Variants in IMMP2L observed in about 807,000 individuals in gnomAD.
The protein encoded by IMMP2L is mitochondrial inner membrane protease subunit 2.
Under a neutral mutation model 19.3 loss-of-function variants are expected in IMMP2L, and 18 were observed. That is an observed-to-expected ratio of 0.93 (90% CI 0.64 to 1.38). The LOEUF is 1.38. Ranked by LOEUF, IMMP2L falls within the 40% of genes most tolerant of loss-of-function variation. The pLI, the probability that IMMP2L is intolerant of heterozygous loss-of-function variation, is 0.00. For missense variants in IMMP2L, 233 were observed against 218.2 expected (o/e 1.07, Z -0.43); for synonymous variants, 76 against 73.0 (o/e 1.04, Z -0.21).
In IMMP2L at chr7:111,446,888, G is replaced by C. The variant is rs1396388473; in HGVS notation, c.239+40350C>G. ...GGAGCTGATGGAGCTGAAAACCAAG[G>C]CTCGAGAACTACGTGAAGAATGCAG... is the stretch of plus-strand genomic sequence containing the variant. On this transcript the variant is annotated intron_variant, in intron 3 of 5. Transcript: ENST00000405709. 5.5e-3 allele frequency among the ~76,000 whole-genome samples: 828 copies of C among 150,770 alleles called. 6 individuals carry two copies. Among genetic ancestry groups the C allele is most frequent in the African/African-American group, 0.019 (793 of 40,846 alleles).
At chr7:111,224,267 TAA>T (rs1228830669) in intron 3 of IMMP2L, among the ~76,000 whole-genome samples, 1 of 152,122 alleles carries the variant, frequency 6.6e-6, no homozygotes, top group Admixed American at 6.6e-5. Context: ...CTTTCAGAAC[TAA>T]AGAGTATACT....
intron 3 of IMMP2L, among the ~76,000 whole-genome samples, chr7:111,363,645 C>T (rs116122448): frequency 2.0e-5 from 3 of 152,022 alleles, no homozygotes; most frequent in African/African-American, 7.2e-5. Flanking sequence ...GTCTTTCCCC[C>T]CTTCAATCCA....
At chr7:111,177,544 T>C (rs1159970848) in intron 3 of IMMP2L, among the ~76,000 whole-genome samples, 1 of 152,048 alleles carries the variant, frequency 6.6e-6, no homozygotes, top group African/African-American at 2.4e-5. Context: ...GATTAAACTT[T>C]GTCCTTTAAA....
intron 4 of IMMP2L, among the ~76,000 whole-genome samples, chr7:110,914,005 T>C (rs1001302204): frequency 1.3e-5 from 2 of 152,210 alleles, no homozygotes; most frequent in South Asian, 2.1e-4. Context: ...TAAACAGATA[T>C]TATCATTGTT....
At chr7:111,101,983 T>C (rs1426628355) in intron 3 of IMMP2L, among the ~76,000 whole-genome samples, 2 of 151,298 alleles carry the variant, frequency 1.3e-5, no homozygotes, top group Non-Finnish European at 3.0e-5. Flanking sequence ...CTAATTTTCA[T>C]ACACTATATC....
intron 5 of IMMP2L, among the ~76,000 whole-genome samples, chr7:110,704,897 A>T (rs1794543621): frequency 6.6e-6 from 1 of 152,180 alleles, no homozygotes; most frequent in Admixed American, 6.5e-5. Flanking sequence ...ATCCCACAGC[A>T]TATGCCAAAT....
chr7:110,936,464 G>A (rs907968836), intron 4 of IMMP2L, among the ~76,000 whole-genome samples: 6 of 152,184 alleles, frequency 3.9e-5, no homozygotes, highest in African/African-American at 1.2e-4. Flanking sequence ...CATCATCACT[G>A]GTCATTAGAG....
chr7:110,840,275 T>C (rs1804937487), intron 5 of IMMP2L, among the ~76,000 whole-genome samples: 1 of 152,136 alleles, frequency 6.6e-6, no homozygotes, highest in South Asian at 2.1e-4. Flanking sequence ...GGTTTTCTGT[T>C]ATCCTTTTTC....
chr7:111,066,837 T>C (rs954336904), intron 3 of IMMP2L, among the ~76,000 whole-genome samples: 3 of 152,116 alleles, frequency 2.0e-5, no homozygotes, highest in African/African-American at 7.2e-5. Context: ...GTAAAACCAA[T>C]AATTCAATTT....
intron 3 of IMMP2L, among the ~76,000 whole-genome samples, chr7:111,300,716 G>A (rs948809659): frequency 1.3e-5 from 2 of 152,086 alleles, no homozygotes; most frequent in Admixed American, 1.3e-4. Context: ...TGACCTATGT[G>A]CATTAGTTTT....
intron 5 of IMMP2L, among the ~76,000 whole-genome samples, chr7:110,686,923 C>G (rs1793157322): frequency 6.6e-6 from 1 of 152,090 alleles, no homozygotes; most frequent in South Asian, 2.1e-4. Context: ...TCACTTTCTA[C>G]TAATATAAAG....
intron 3 of IMMP2L, among the ~76,000 whole-genome samples, chr7:111,043,292 AGT>A (rs1476469042): frequency 2.6e-5 from 4 of 152,250 alleles, no homozygotes; most frequent in Admixed American, 1.3e-4. Context: ...GATTTTTAAA[AGT>A]GTTAATACAG....
chr7:111,413,572 T>C (rs1466728144), intron 3 of IMMP2L, among the ~76,000 whole-genome samples: 3 of 152,056 alleles, frequency 2.0e-5, no homozygotes, highest in Non-Finnish European at 2.9e-5. Context: ...TCAATGTAAT[T>C]TACCATATTA....
intron 3 of IMMP2L, among the ~76,000 whole-genome samples, chr7:111,187,819 T>C (rs76405722): frequency 0.011 from 1,721 of 152,246 alleles, 17 homozygotes; most frequent in South Asian, 0.025. Context: ...AAATCACTTA[T>C]GTATTAATTG....
At chr7:110,716,502 C>T (rs1795244335) in intron 5 of IMMP2L, among the ~76,000 whole-genome samples, 1 of 152,140 alleles carries the variant, frequency 6.6e-6, no homozygotes, top group African/African-American at 2.4e-5. Flanking sequence ...GTAATAGTAA[C>T]TAATTCCCTT....
At chr7:110,889,589 C>A (rs1242764140) in intron 4 of IMMP2L, among the ~76,000 whole-genome samples, 1 of 152,180 alleles carries the variant, frequency 6.6e-6, no homozygotes, top group African/African-American at 2.4e-5. Context: ...TGCTGTGCCG[C>A]CCAGTTCCTA....
At chr7:110,701,355 A>G (rs1794274309) in intron 5 of IMMP2L, among the ~76,000 whole-genome samples, 1 of 152,220 alleles carries the variant, frequency 6.6e-6, no homozygotes, top group Non-Finnish European at 1.5e-5. Context: ...CTAAGTGTCA[A>G]GCATTATTTT....
chr7:111,348,846 T>A (rs1827849647), intron 3 of IMMP2L, among the ~76,000 whole-genome samples: 1 of 152,252 alleles, frequency 6.6e-6, no homozygotes, highest in African/African-American at 2.4e-5. Flanking sequence ...CTGAAAGCAA[T>A]GAATATGACT....
chr7:111,198,688 A>G (rs1192905618), intron 3 of IMMP2L, among the ~76,000 whole-genome samples: 1 of 152,118 alleles, frequency 6.6e-6, no homozygotes. Flanking sequence ...CCTTCTTTCA[A>G]TACTTTTGCA....
Sources: allele counts gnomAD v4.1 joint callset (sites outside exome capture counted in the v4.1 genomes callset), GRCh38; gene constraint gnomAD v4.1.1; transcripts MANE v1.5; gene names NCBI Gene and HGNC (gene_info 2026-07-23, HGNC 2026-07-21).